RNF6: variants seen among roughly 807,000 people sequenced by gnomAD.
The protein encoded by RNF6 is E3 ubiquitin-protein ligase RNF6.
A neutral mutation model predicts 50.1 loss-of-function variants in RNF6; 21 were observed. The ratio of observed to expected loss-of-function variants is 0.42; its 90% CI spans 0.30 to 0.60. The LOEUF is 0.60. Among genes scored for constraint, RNF6 ranks in the 20% least tolerant of loss-of-function variants. RNF6 has a pLI of 0.20. For synonymous variants in RNF6, 255 were observed against 291.8 expected (o/e 0.87, Z 1.29); for missense variants, 698 against 838.2 (o/e 0.83, Z 2.07).
intron 5 of RNF6, among the ~76,000 whole-genome samples, chr13:26,168,956 T>A (rs993493679): frequency 3.9e-5 from 6 of 152,146 alleles, no homozygotes; most frequent in Non-Finnish European, 8.8e-5. Flanking sequence ...TGAGCCATGA[T>A]CATGCCACTG....
At chr13:26,158,777 T>C (rs1371206517) in intron 5 of RNF6, among the ~76,000 whole-genome samples, 4 of 152,178 alleles carry the variant, frequency 2.6e-5, no homozygotes, top group African/African-American at 4.8e-5. Context: ...GTTATTTCTA[T>C]ACAGTAGAAT....
At chr13:26,135,444 G>C (rs1031681139) in intron 5 of RNF6, 3 of 151,906 alleles carry the variant, frequency 2.0e-5, no homozygotes. Flanking sequence ...TAATTTTTTT[G>C]TGAAAACACA....
intron 5 of RNF6, among the ~76,000 whole-genome samples, chr13:26,148,099 G>A (rs376657575): frequency 1.1e-4 from 16 of 152,198 alleles, no homozygotes; most frequent in South Asian, 6.2e-4. Context: ...GACATAAGGC[G>A]AAGGAGAAGC....
intron 5 of RNF6, among the ~76,000 whole-genome samples, chr13:26,150,419 GCAGATAGGGT>G (rs1039386533): frequency 4.6e-5 from 7 of 152,274 alleles, no homozygotes; most frequent in African/African-American, 1.4e-4. Context: ...CTAAGCCATA[GCAGATAGGGT>G]CAGAGCAAAC....
At chr13:26,150,272 C>T (rs189768862) in intron 5 of RNF6, among the ~76,000 whole-genome samples, 51 of 151,976 alleles carry the variant, frequency 3.4e-4, no homozygotes, top group African/African-American at 1.2e-3. Context: ...ATAAACCGAT[C>T]GAAAGGACAA....
intron 5 of RNF6, among the ~76,000 whole-genome samples, chr13:26,188,699 G>T (rs1247820803): frequency 7.7e-6 from 1 of 129,844 alleles, no homozygotes; most frequent in Non-Finnish European, 1.5e-5. Context: ...GCATGATCTC[G>T]GCTCACTGCA....
intron 5 of RNF6, among the ~76,000 whole-genome samples, chr13:26,189,025 A>T (rs1478823764): frequency 6.6e-6 from 1 of 152,090 alleles, no homozygotes; most frequent in Non-Finnish European, 1.5e-5. Flanking sequence ...TAAATGTAAG[A>T]TAGAATCAAA....
Position 26,213,122 on chromosome 13 carries a change from T to C in RNF6, c.*702A>G, listed in dbSNP as rs182868386. 2.6e-5 allele frequency: 4 copies of C among 152,692 alleles called. No individual in the cohort carries two copies. In the East Asian group the frequency reaches 5.8e-4, roughly 22 times the overall value. The allele number at this position is 152,692 out of a possible 1,614,324, so 9.5% of individuals were successfully genotyped here. A position where few individuals can be genotyped will look rare whatever the true frequency, so the allele number is the denominator to read the frequency against. On this transcript the variant is annotated 3_prime_UTR_variant, in exon 5 of 5. Coordinates refer to ENST00000381588, the MANE Select transcript of RNF6 (RefSeq NM_005977.4). ...ATATATTGCTTGCTGTCTAATAAGT[T>C]AGATTGTCAGAGACGCTTCAGTAAA...
intron 5 of RNF6, among the ~76,000 whole-genome samples, chr13:26,164,014 C>G (rs1293420820): frequency 1.3e-5 from 2 of 152,086 alleles, no homozygotes; most frequent in Non-Finnish European, 2.9e-5. Flanking sequence ...ATAGGATACC[C>G]TAAATAATTC....
chr13:26,134,316 T>C (rs1011943877), intron 5 of RNF6, among the ~76,000 whole-genome samples: 2 of 152,242 alleles, frequency 1.3e-5, no homozygotes, highest in African/African-American at 4.8e-5. Context: ...TTTGGGGTAC[T>C]TCACTACTGT....
chr13:26,189,437 A>G (rs551112265), intron 5 of RNF6, among the ~76,000 whole-genome samples: 1 of 152,224 alleles, frequency 6.6e-6, no homozygotes, highest in Non-Finnish European at 1.5e-5. Flanking sequence ...AAACCTATCA[A>G]TGGCTACATT....
At chr13:26,186,767 T>A (rs1313261009) in intron 5 of RNF6, among the ~76,000 whole-genome samples, 1 of 40,602 alleles carries the variant, frequency 2.5e-5, no homozygotes, top group Non-Finnish European at 6.3e-5. Flanking sequence ...CAGGGACCTT[T>A]CTTCTTCTTT....
intron 5 of RNF6, among the ~76,000 whole-genome samples, chr13:26,174,006 A>G (rs781636307): frequency 6.6e-5 from 10 of 152,220 alleles, no homozygotes; most frequent in Non-Finnish European, 1.5e-4. Context: ...CAAAATGTTA[A>G]AAGTTGTTTA....
At chr13:26,162,623 A>G (rs1872266607) in intron 5 of RNF6, among the ~76,000 whole-genome samples, 1 of 152,180 alleles carries the variant, frequency 6.6e-6, no homozygotes, top group African/African-American at 2.4e-5. Context: ...TGAGAATACT[A>G]TTTCCTATGA....
At chr13:26,189,335 ACG>A (rs1873711451) in intron 5 of RNF6, among the ~76,000 whole-genome samples, 1 of 151,946 alleles carries the variant, frequency 6.6e-6, no homozygotes, top group Non-Finnish European at 1.5e-5. Context: ...CTCAAAAAAA[ACG>A]CTTCCTATTG....
intron 5 of RNF6, among the ~76,000 whole-genome samples, chr13:26,150,635 G>C (rs923885987): frequency 5.3e-5 from 8 of 151,702 alleles, no homozygotes; most frequent in Non-Finnish European, 1.0e-4. Flanking sequence ...ATAAGCCAGA[G>C]TATATAACTT....
chr13:26,162,352 A>T (rs1872252367), intron 5 of RNF6, among the ~76,000 whole-genome samples: 2 of 152,164 alleles, frequency 1.3e-5, no homozygotes, highest in African/African-American at 4.8e-5. Flanking sequence ...CGCAGTAAAG[A>T]CTATAGCCTA....
intron 5 of RNF6, among the ~76,000 whole-genome samples, chr13:26,175,833 A>G (rs888845091): frequency 1.3e-5 from 2 of 152,190 alleles, no homozygotes; most frequent in African/African-American, 4.8e-5. Context: ...GGAAAACAAC[A>G]GAAATGCCTG....
At chr13:26,207,875 G>A (rs7987921), downstream of RNF6, among the ~76,000 whole-genome samples, 380 of 152,368 alleles carry the variant, frequency 2.5e-3, 3 homozygotes, top group African/African-American at 8.7e-3. Flanking sequence ...CACGGATGCA[G>A]AGCAGACTTT....
Sources: allele counts gnomAD v4.1 joint callset (sites outside exome capture counted in the v4.1 genomes callset), GRCh38; gene constraint gnomAD v4.1.1; transcripts MANE v1.5; gene names NCBI Gene and HGNC (gene_info 2026-07-23, HGNC 2026-07-21).